WASF3: variants seen among roughly 807,000 people sequenced by gnomAD.
The protein encoded by WASF3 is WASP family member 3.
WASF3 carries 11 observed loss-of-function variants against 46.6 expected under a neutral mutation model. The ratio of observed to expected loss-of-function variants is 0.24; its 90% CI spans 0.15 to 0.39. WASF3 has a LOEUF of 0.39. WASF3 is among the 10% of genes least tolerant of loss of function. The pLI, the probability that WASF3 is intolerant of heterozygous loss-of-function variation, is 1.00. For missense variants in WASF3, 576 were observed against 669.8 expected (o/e 0.86, Z 1.55); for synonymous variants, 242 against 259.7 (o/e 0.93, Z 0.65).
At chr13:26,570,433 T>C (rs550150796) in intron 1 of WASF3, among the ~76,000 whole-genome samples, 25 of 152,320 alleles carry the variant, frequency 1.6e-4, no homozygotes, top group Non-Finnish European at 2.5e-4. Flanking sequence ...GACTGTGTCC[T>C]TTCTCCCTCT....
intron 2 of WASF3, chr13:26,618,735 G>A (rs1344466914): frequency 6.6e-6 from 1 of 152,182 alleles, no homozygotes; most frequent in African/African-American, 2.4e-5. Flanking sequence ...GCACAAGTGA[G>A]AATGTTTCTC....
rs1474830129 is a variant in WASF3 at position 26,577,818 on chromosome 13, T to C, written c.-109+19999T>C. 9 of 605,018 alleles carry C rather than the reference T, an allele frequency of 1.5e-5. No individual in the cohort carries two copies. In the South Asian group the frequency reaches 1.9e-4, roughly 13 times the overall value. 37.5% of individuals were successfully genotyped at this position (605,018 alleles called of 1,614,324 possible). A position where few individuals can be genotyped will look rare whatever the true frequency, so the allele number is the denominator to read the frequency against. On this transcript the variant is annotated intron_variant, in intron 1 of 9. Transcript: ENST00000335327. ...TATACATGCACTCAGTTGTGTGTTC[T>C]GTGCAATTTAATCATGTGTATAGGT...
At chr13:26,602,892 G>T (rs1880683328) in intron 1 of WASF3, among the ~76,000 whole-genome samples, 1 of 151,924 alleles carries the variant, frequency 6.6e-6, no homozygotes, top group South Asian at 2.1e-4. Flanking sequence ...TATTTTCTTT[G>T]TCCAAATGTA....
chr13:26,597,444 TTTGTTG>T lies in WASF3; in HGVS notation c.-108-15496_-108-15491del, dbSNP rs376294093. ...GCCACCACGCCTGGCCCCTTGATTTTTTGTTGTTGTTGTTGTTGTTGTTGTTTTTAC... is the reference window on the plus strand; with the variant it reads ...GCCACCACGCCTGGCCCCTTGATTTTTTGTTGTTGTTGTTGTTGTTTTTAC... On this transcript the variant is annotated intron_variant, in intron 1 of 9. Transcript: ENST00000335327. Among the ~76,000 whole-genome samples, 72 of 152,130 alleles carry T rather than the reference TTTGTTG, an allele frequency of 4.7e-4. 1 individual carries two copies. Among genetic ancestry groups the T allele is most frequent in the African/African-American group, 1.3e-3 (54 of 41,516 alleles).
intron 1 of WASF3, among the ~76,000 whole-genome samples, chr13:26,575,515 T>C (rs1431506285): frequency 6.6e-6 from 1 of 152,198 alleles, no homozygotes; most frequent in African/African-American, 2.4e-5. Flanking sequence ...CTATTAGTTG[T>C]ATAATGTTCT....
At chr13:26,629,377 GT>G (rs35436182) in intron 2 of WASF3, among the ~76,000 whole-genome samples, 36,543 of 152,098 alleles carry the variant, frequency 0.24, 4,993 homozygotes, top group Non-Finnish European at 0.32. Context: ...CAACCAGGCT[GT>G]TGGCCACTGC....
chr13:26,641,141 T>C (rs1881984805), intron 2 of WASF3: 1 of 152,188 alleles, frequency 6.6e-6, no homozygotes, highest in African/African-American at 2.4e-5. Flanking sequence ...TTAATTTACC[T>C]TTCTTTTCCA....
chr13:26,633,503 C>T (rs1018800926), intron 2 of WASF3, among the ~76,000 whole-genome samples: 3 of 151,698 alleles, frequency 2.0e-5, no homozygotes, highest in Non-Finnish European at 3.0e-5. Flanking sequence ...CACAGCCGGC[C>T]GATCTTAGTT....
chr13:26,567,237 G>T (rs1879493094), intron 1 of WASF3, among the ~76,000 whole-genome samples: 1 of 152,172 alleles, frequency 6.6e-6, no homozygotes, highest in Non-Finnish European at 1.5e-5. Flanking sequence ...GTGATCTCAG[G>T]TGGATTTTTT....
At chr13:26,670,602 T>G (rs940051424) in intron 5 of WASF3, among the ~76,000 whole-genome samples, 2 of 152,212 alleles carry the variant, frequency 1.3e-5, no homozygotes, top group African/African-American at 4.8e-5. Context: ...AAAAAACAAA[T>G]GTACCTCTTA....
intron 3 of WASF3, among the ~76,000 whole-genome samples, chr13:26,652,572 T>C (rs1005663030): frequency 3.9e-5 from 6 of 152,192 alleles, no homozygotes; most frequent in African/African-American, 1.2e-4. Context: ...ATTCTTTTAA[T>C]TTCCCGTGAA....
intron 5 of WASF3, among the ~76,000 whole-genome samples, chr13:26,671,532 T>C (rs1188522246): frequency 6.6e-6 from 1 of 152,182 alleles, no homozygotes; most frequent in Admixed American, 6.5e-5. Context: ...TATGGCCCCA[T>C]GTTGGAATAA....
At chr13:26,629,821 G>A (rs1432622881) in intron 2 of WASF3, among the ~76,000 whole-genome samples, 3 of 152,052 alleles carry the variant, frequency 2.0e-5, no homozygotes, top group Admixed American at 6.6e-5. Flanking sequence ...TCATTCTGGG[G>A]AGCTTTGCAT....
At chr13:26,576,850 T>C (rs1879812598) in intron 1 of WASF3, 6 of 590,214 alleles carry the variant, frequency 1.0e-5, no homozygotes, top group South Asian at 9.9e-5. Context: ...TATAGTATAA[T>C]ATCAAAACCG....
chr13:26,683,044 A>T, intron 9 of WASF3, 70 bp downstream of exon 9: 2 of 1,536,878 alleles, frequency 1.3e-6, no homozygotes, highest in Non-Finnish European at 1.7e-6. Context: ...AGCCAGCTAC[A>T]GCCTCCTTGT....
intron 1 of WASF3, among the ~76,000 whole-genome samples, chr13:26,603,263 A>T (rs533030360): frequency 1.2e-4 from 19 of 152,296 alleles, no homozygotes; most frequent in Middle Eastern, 6.8e-3. Flanking sequence ...ACTGTAGTTA[A>T]TGTGAGGACA....
Position 26,681,222 on chromosome 13 carries a change from C to G in WASF3, c.885C>G (p.His295Gln), listed in dbSNP as rs1208062928. ...GGCCCCCATCTGCCTCGGCGAGGCA[C>G]ATGGCCCTCAACAGACCTCAGCAGC... ...EYRPPSASAR[H>Q]MALNRPQQPP... Residue 295 changes from histidine (H) to glutamine (Q), a missense_variant, in exon 8 of 10, where the codon CAC becomes CAG. By Grantham distance (24) the His-to-Gln change is conservative. This residue lies in a region of WASF3 where 295 missense variants were observed against 291.5 expected (regional missense o/e 1.01). Coordinates refer to ENST00000335327, the MANE Select transcript of WASF3 (RefSeq NM_006646.6). 6.2e-7 allele frequency: 1 copy of G among 1,614,042 alleles called. No homozygotes were observed. The highest frequency in any genetic ancestry group is 8.5e-7 in the Non-Finnish European group (1 of 1,179,954).
At chr13:26,579,832 A>G (rs1466247905) in intron 1 of WASF3, among the ~76,000 whole-genome samples, 1 of 152,198 alleles carries the variant, frequency 6.6e-6, no homozygotes, top group Non-Finnish European at 1.5e-5. Flanking sequence ...GAGCTCAGAG[A>G]AAGCAAAACT....
At chr13:26,623,214 C>T (rs138784625) in intron 2 of WASF3, among the ~76,000 whole-genome samples, 262 of 152,282 alleles carry the variant, frequency 1.7e-3, no homozygotes, top group African/African-American at 5.9e-3. Context: ...TTTTCTACAG[C>T]CCTCCACTGG....
Sources: allele counts gnomAD v4.1 joint callset (sites outside exome capture counted in the v4.1 genomes callset), GRCh38; gene constraint gnomAD v4.1.1; regional missense constraint gnomAD v4.1.1; transcripts MANE v1.5; gene names NCBI Gene and HGNC (gene_info 2026-07-23, HGNC 2026-07-21).